The following SREK1 variants were observed in gnomAD, a reference collection of about 807,000 sequenced individuals.
SREK1 encodes the protein splicing regulatory glutamic acid and lysine rich protein 1.
In SREK1, 13 loss-of-function variants were observed where a neutral mutation model predicts 66.5. The ratio of observed to expected loss-of-function variants is 0.20; its 90% confidence interval spans 0.13 to 0.31. The LOEUF (loss-of-function observed/expected upper bound fraction) is 0.31. Ranked by LOEUF, SREK1 falls within the 10% of genes least tolerant of loss-of-function variation. The probability of loss-of-function intolerance (pLI) is 1.00; values close to 1 mark genes in which losing one functional copy is unlikely to be tolerated. For synonymous variants in SREK1, 265 were observed against 263.5 expected (o/e 1.01, Z -0.05); for missense variants, 607 against 769.6 (o/e 0.79, Z 2.50).
rs1746640809 is a variant in SREK1, at chr5:66,183,246, A to G, written c.*4378A>G. On this transcript the variant is annotated 3_prime_UTR_variant, in exon 12 of 12. Transcript: ENST00000334121. ...ATTTCTTAACTACATATGTAAGTATAAATTCATAAAAATCACACTGAAAGA... is the reference window on the plus strand; with the variant it reads ...ATTTCTTAACTACATATGTAAGTATGAATTCATAAAAATCACACTGAAAGA... 6.6e-6 allele frequency: 1 copy of G among 152,196 alleles called. No homozygotes were observed. The highest frequency in any genetic ancestry group is 2.4e-5 in the African/African-American group (1 of 41,442). 9.4% of individuals were successfully genotyped at this position (152,196 alleles called of 1,614,324 possible). A position where few individuals can be genotyped will look rare whatever the true frequency, so the allele number is the denominator to read the frequency against.
intron 1 of SREK1, among the ~76,000 whole-genome samples, chr5:66,146,648 C>T (rs1743230140): frequency 6.6e-6 from 1 of 150,376 alleles, no homozygotes. Flanking sequence ...ATGCTTTATT[C>T]ACAGGTTTTC....
intron 1 of SREK1, among the ~76,000 whole-genome samples, chr5:66,150,171 C>G (rs920307327): frequency 6.6e-6 from 1 of 152,214 alleles, no homozygotes; most frequent in Non-Finnish European, 1.5e-5. Context: ...AGACTGGTGA[C>G]TAATCATTTA....
Position 66,172,605 on chromosome 5 carries a change from A to G in SREK1, c.1484+1658A>G, listed in dbSNP as rs1384286529. Reference sequence around the variant, plus strand: ...GAGATGGAGTTTCACCATATTGGCCAGGTTGATCTTGAACTCCTGGCCTCA... The same window carrying G: ...GAGATGGAGTTTCACCATATTGGCCGGGTTGATCTTGAACTCCTGGCCTCA... On this transcript the variant is annotated intron_variant, in intron 9 of 11. Coordinates refer to ENST00000334121, the MANE Select transcript of SREK1 (RefSeq NM_001077199.3). 3.3e-5 allele frequency among the ~76,000 whole-genome samples: 5 copies of G among 152,062 alleles called. No individual in the cohort carries two copies. The East Asian group carries it at 9.7e-4, about 29-fold the overall frequency.
intron 4 of SREK1, 40 bp downstream of exon 4, chr5:66,162,313 A>G (rs558355642): frequency 1.2e-6 from 2 of 1,608,534 alleles, no homozygotes; most frequent in South Asian, 2.2e-5. Flanking sequence ...AGTAGCCCTT[A>G]TTCTTTTTCT....
At chr5:66,148,045 A>G (rs1284769616) in intron 1 of SREK1, among the ~76,000 whole-genome samples, 1 of 152,000 alleles carries the variant, frequency 6.6e-6, no homozygotes, top group Non-Finnish European at 1.5e-5. Flanking sequence ...ATTACAAATT[A>G]GTGGATTTTA....
intron 3 of SREK1, 38 bp downstream of exon 3, chr5:66,159,372 T>G: frequency 6.5e-7 from 1 of 1,529,350 alleles, no homozygotes; most frequent in Non-Finnish European, 8.9e-7. Context: ...GAGGTGAATG[T>G]TCAACTGTGT....
At chr5:66,144,755 G>A in intron 1 of SREK1, 1 of 1,261,260 alleles carries the variant, frequency 7.9e-7, no homozygotes, top group Non-Finnish European at 1.0e-6. Flanking sequence ...CCCTTACCAA[G>A]GATTTAGAAT....
intron 10 of SREK1, among the ~76,000 whole-genome samples, chr5:66,175,365 G>A (rs540512418): frequency 6.6e-6 from 1 of 152,208 alleles, no homozygotes; most frequent in South Asian, 2.1e-4. Context: ...CCTTGGTTTT[G>A]TCATTTAACT....
intron 10 of SREK1, among the ~76,000 whole-genome samples, chr5:66,177,172 G>A (rs1050732840): frequency 1.3e-5 from 2 of 152,042 alleles, no homozygotes; most frequent in Non-Finnish European, 2.9e-5. Flanking sequence ...GAAATGAGGC[G>A]GATACATATT....
chr5:66,156,139 C>G, intron 2 of SREK1: 2 of 1,425,746 alleles, frequency 1.4e-6, no homozygotes, highest in Non-Finnish European at 1.8e-6. Context: ...CTAAACCTGC[C>G]GTCAAGTGAA....
At chr5:66,172,870 A>T (rs2112089543) in intron 9 of SREK1, among the ~76,000 whole-genome samples, 1 of 126,248 alleles carries the variant, frequency 7.9e-6, no homozygotes. Context: ...TCACTTTGTC[A>T]CCCAGGCTAG....
chr5:66,170,905 C>A lies in SREK1; in HGVS notation c.1442C>A (p.Pro481His). ...AAGGATAAAAAATCCAGAACACCAC[C>A]CAGGAGTTACAATGCATCGCGAAGA... ...RKKDKKSRTP[P>H]RSYNASRRSR... is the part of the protein sequence containing the mutation. Residue 481 changes from proline to histidine, a missense_variant, in exon 9 of 12, where the codon CCC becomes CAC. Around this residue, in one of 5 missense-constraint regions of SREK1, gnomAD observed 318 missense variants for 310.3 expected, o/e 1.02. Coordinates refer to ENST00000334121, the MANE Select transcript of SREK1 (RefSeq NM_001077199.3). 11 of 1,611,592 alleles carry A rather than the reference C, an allele frequency of 6.8e-6. No individual in the cohort carries two copies. Among genetic ancestry groups the A allele is most frequent in the Non-Finnish European group, 9.3e-6 (11 of 1,179,450 alleles).
chr5:66,144,607 G>T, intron 1 of SREK1, 70 bp downstream of exon 1: 1 of 1,483,282 alleles, frequency 6.7e-7, no homozygotes, highest in Non-Finnish European at 9.0e-7. Flanking sequence ...AGGCGTGGAG[G>T]AGAGCGCGGA....
intron 9 of SREK1, among the ~76,000 whole-genome samples, chr5:66,172,369 T>C (rs918340169): frequency 3.3e-5 from 5 of 152,162 alleles, no homozygotes; most frequent in Non-Finnish European, 2.9e-5. Context: ...TAGAGGAAAG[T>C]TCAAGTGTTC....
chr5:66,178,134 T>G (rs1198569285), intron 11 of SREK1, among the ~76,000 whole-genome samples: 1 of 152,098 alleles, frequency 6.6e-6, no homozygotes, highest in East Asian at 1.9e-4. Context: ...AAAGTATATT[T>G]GTATTTGGAA....
chr5:66,164,096 T>G (rs889209017), intron 6 of SREK1, 174 bp downstream of exon 6: 10 of 728,518 alleles, frequency 1.4e-5, no homozygotes, highest in Middle Eastern at 8.6e-4. Context: ...GCCCATATTT[T>G]ATCTCTTTCT....
At chr5:66,149,149 C>G (rs539149220) in intron 1 of SREK1, among the ~76,000 whole-genome samples, 2 of 152,210 alleles carry the variant, frequency 1.3e-5, no homozygotes, top group Admixed American at 6.5e-5. Context: ...GTCAGGAGTT[C>G]GAGACCTGTC....
At chr5:66,171,168 A>C (rs998539506) in intron 9 of SREK1, among the ~76,000 whole-genome samples, 1 of 152,186 alleles carries the variant, frequency 6.6e-6, no homozygotes, top group African/African-American at 2.4e-5. Context: ...CTTTGTAACC[A>C]CTATTTTAAT....
At chr5:66,145,810 A>AT (rs1421386365) in intron 1 of SREK1, among the ~76,000 whole-genome samples, 2 of 135,300 alleles carry the variant, frequency 1.5e-5, no homozygotes, top group Admixed American at 1.9e-4. Context: ...GTCTCCCTTG[A>AT]ATATGCCAAG....
Sources: gnomAD v4.1 joint callset for allele counts (sites outside exome capture counted in the v4.1 genomes callset) on GRCh38, gnomAD v4.1.1 for gene constraint, gnomAD v4.1.1 regional missense constraint, MANE v1.5 for transcripts, NCBI Gene and HGNC (gene_info 2026-07-23, HGNC 2026-07-21) for gene names.